Variants in GNB1 observed in about 807,000 individuals in gnomAD.
GNB1 encodes G protein subunit beta 1, also known as guanine nucleotide-binding protein G(I)/G(S)/G(T) subunit beta-1.
In GNB1, 2 loss-of-function variants were observed where a neutral mutation model predicts 42.9. The ratio of observed to expected loss-of-function variants is 0.05; its 90% confidence interval spans 0.02 to 0.15. GNB1 has a LOEUF of 0.15. GNB1 is among the 10% of genes least tolerant of loss of function. GNB1 has a pLI of 1.00. For missense variants in GNB1, 193 were observed against 462.2 expected, an observed-to-expected ratio of 0.42 and a Z score of 5.34; for synonymous variants, 183 against 174.7, an observed-to-expected ratio of 1.05 and a Z score of -0.38.
At chr1:1,841,434 C>T (rs1228051156) in intron 1 of GNB1, among the ~76,000 whole-genome samples, 1 of 152,212 alleles carries the variant, frequency 6.6e-6, no homozygotes, top group Non-Finnish European at 1.5e-5. Context: ...CCTGTTTCAG[C>T]CTCCGAAAGT....
At chr1:1,816,567 A>C (rs1020194340) in intron 4 of GNB1, among the ~76,000 whole-genome samples, 5 of 152,012 alleles carry the variant, frequency 3.3e-5, no homozygotes, top group Non-Finnish European at 1.5e-5. Context: ...TAAAAAACTT[A>C]ATCATCTTCA....
intron 5 of GNB1, 55 bp downstream of exon 5, chr1:1,815,698 GGAC>G: frequency 1.1e-6 from 1 of 922,340 alleles, no homozygotes; most frequent in Non-Finnish European, 1.8e-6. Flanking sequence ...TTTTCCCCTA[GGAC>G]AACAGAGCAG....
At chr1:1,822,253 C>T (rs1012798788) in intron 3 of GNB1, among the ~76,000 whole-genome samples, 3 of 151,824 alleles carry the variant, frequency 2.0e-5, no homozygotes, top group African/African-American at 7.2e-5. Context: ...TCCCAAAGTA[C>T]TGGGATTAAC....
intron 1 of GNB1, among the ~76,000 whole-genome samples, chr1:1,844,453 C>T (rs2101329543): frequency 6.6e-6 from 1 of 151,580 alleles, no homozygotes; most frequent in Non-Finnish European, 1.5e-5. Context: ...TCAACTGACT[C>T]TATACAGCTA....
intron 5 of GNB1, among the ~76,000 whole-genome samples, chr1:1,811,384 A>G (rs1646776777): frequency 6.6e-6 from 1 of 151,900 alleles, no homozygotes; most frequent in South Asian, 2.1e-4. Flanking sequence ...CACCGCGTCT[A>G]GCCTCATGTA....
chr1:1,877,626 C>G (rs1649623123), intron 1 of GNB1, among the ~76,000 whole-genome samples: 1 of 152,040 alleles, frequency 6.6e-6, no homozygotes, highest in Non-Finnish European at 1.5e-5. Context: ...GCATGAGCCA[C>G]CATGCCAAGC....
chr1:1,851,825 C>G (rs1164409160), intron 1 of GNB1, among the ~76,000 whole-genome samples: 1 of 152,090 alleles, frequency 6.6e-6, no homozygotes, highest in East Asian at 1.9e-4. Context: ...GGGTGGATCA[C>G]TTGAGGTCAG....
intron 1 of GNB1, among the ~76,000 whole-genome samples, chr1:1,876,095 TG>T (rs1557947626): frequency 2.0e-5 from 3 of 152,246 alleles, no homozygotes; most frequent in Admixed American, 6.5e-5. Context: ...TGTCCTCCCT[TG>T]GAGCCTTCAG....
chr1:1,852,366 C>T (rs1396607249), intron 1 of GNB1, among the ~76,000 whole-genome samples: 1 of 151,996 alleles, frequency 6.6e-6, no homozygotes, highest in Admixed American at 6.6e-5. Context: ...GTAGCTGGGA[C>T]TATAGACGCC....
chr1:1,857,172 A>G (rs546652204), intron 1 of GNB1, among the ~76,000 whole-genome samples: 12 of 152,314 alleles, frequency 7.9e-5, no homozygotes, highest in African/African-American at 2.2e-4. Context: ...CCCCACTTCA[A>G]AAGTCTACCC....
chr1:1,811,083 T>TATA (rs1298179888), intron 5 of GNB1, among the ~76,000 whole-genome samples: 7 of 24,134 alleles, frequency 2.9e-4, no homozygotes, highest in East Asian at 2.3e-3. Context: ...ATATATATAT[T>TATA]TTTTTTTTTT....
chr1:1,822,040 T>G (rs901995717), intron 3 of GNB1, among the ~76,000 whole-genome samples: 2 of 152,160 alleles, frequency 1.3e-5, no homozygotes, highest in Non-Finnish European at 2.9e-5. Context: ...GAGGCTGCAG[T>G]GAGCTGTGAT....
chr1:1,790,281 T>A lies in GNB1; in HGVS notation c.699+114A>T. On this transcript the variant is annotated intron_variant, in intron 9 of 11. Coordinates refer to ENST00000378609, the MANE Select transcript of GNB1 (RefSeq NM_002074.5). The surrounding 1 kb of genome is among the most constrained non-coding windows in gnomAD (Gnocchi z 5.4). ...TCTGTATCCCCATCTGTACATGAGG[T>A]TGTATAAGGATCAGAAAGGAGAACA... is the stretch of plus-strand genomic sequence containing the variant. 2.8e-6 allele frequency: 2 copies of A among 715,736 alleles called. No individual in the cohort carries two copies. The highest frequency in any genetic ancestry group is 3.4e-5 in the South Asian group (2 of 59,694). The allele number at this position is 715,736 out of a possible 1,614,324, so 44.3% of individuals were successfully genotyped here.
chr1:1,821,361 G>C (rs1214532686), intron 3 of GNB1, among the ~76,000 whole-genome samples: 1 of 152,188 alleles, frequency 6.6e-6, no homozygotes, highest in East Asian at 1.9e-4. Flanking sequence ...ATCCCTCTGA[G>C]AGCCTGTGTT....
intron 7 of GNB1, among the ~76,000 whole-genome samples, chr1:1,799,712 A>T (rs2100634101): frequency 6.6e-6 from 1 of 152,334 alleles, no homozygotes; most frequent in Non-Finnish European, 1.5e-5. Flanking sequence ...CCCTGGGAGA[A>T]AAGAAAGGCA....
chr1:1,871,260 G>A (rs1018744544), intron 1 of GNB1, among the ~76,000 whole-genome samples: 1 of 152,114 alleles, frequency 6.6e-6, no homozygotes, highest in African/African-American at 2.4e-5. Context: ...AGGAGTTAGA[G>A]ACCAGCGTGA....
At chr1:1,829,668 C>T (rs563599383) in intron 2 of GNB1, among the ~76,000 whole-genome samples, 9 of 152,284 alleles carry the variant, frequency 5.9e-5, no homozygotes, top group African/African-American at 1.7e-4. Context: ...GAAACAAAAA[C>T]GAACAGTGTA....
At chr1:1,789,748 G>A (rs2100492857) in intron 9 of GNB1, among the ~76,000 whole-genome samples, 1 of 145,542 alleles carries the variant, frequency 6.9e-6, no homozygotes, top group East Asian at 2.2e-4. Flanking sequence ...AGGGGACTGG[G>A]ATGGGAGGGG....
At chr1:1,830,923 A>G (rs1351950936) in intron 2 of GNB1, among the ~76,000 whole-genome samples, 1 of 152,112 alleles carries the variant, frequency 6.6e-6, no homozygotes, top group Non-Finnish European at 1.5e-5. Flanking sequence ...CAGCACTTTG[A>G]GAGGCTGAGG....
Sources: gnomAD v4.1 joint callset for allele counts (sites outside exome capture counted in the v4.1 genomes callset) on GRCh38, gnomAD v4.1.1 for gene constraint, Gnocchi (gnomAD v3.1) non-coding constraint, MANE v1.5 for transcripts, NCBI Gene and HGNC (gene_info 2026-07-23, HGNC 2026-07-21) for gene names.